DACH1: variants seen among roughly 807,000 people sequenced by gnomAD.
DACH1 encodes dachshund family transcription factor 1.
Under a neutral mutation model 54.2 loss-of-function variants are expected in DACH1, and 12 were observed. The ratio of observed to expected loss-of-function variants is 0.22; its 90% CI spans 0.14 to 0.36. DACH1 has a LOEUF of 0.36. DACH1 is among the 10% of genes least tolerant of loss of function. DACH1 has a pLI of 1.00. For synonymous variants in DACH1, 386 were observed against 366.2 expected, an observed-to-expected ratio of 1.05 and a Z score of -0.62; for missense variants, 805 against 929.8, an observed-to-expected ratio of 0.87 and a Z score of 1.75.
intron 10 of DACH1, among the ~76,000 whole-genome samples, chr13:71,473,314 ATGTTTTGTTT>A: frequency 6.6e-6 from 1 of 152,184 alleles, no homozygotes; most frequent in Non-Finnish European, 1.5e-5. Flanking sequence ...TGTTGTACAA[ATGTTTTGTTT>A]CCCTAACCAT....
At chr13:71,697,552 A>G (rs934540166) in intron 1 of DACH1, among the ~76,000 whole-genome samples, 1 of 152,252 alleles carries the variant, frequency 6.6e-6, no homozygotes. Flanking sequence ...ATAGAGCTTG[A>G]AATTATCAAC....
intron 1 of DACH1, among the ~76,000 whole-genome samples, chr13:71,851,502 T>C (rs1289707351): frequency 2.6e-5 from 4 of 152,156 alleles, no homozygotes; most frequent in African/African-American, 9.7e-5. Flanking sequence ...GCTAATTGTA[T>C]TTATTAGCAG....
intron 3 of DACH1, among the ~76,000 whole-genome samples, chr13:71,627,432 A>T (rs2138560287): frequency 6.6e-6 from 1 of 151,900 alleles, no homozygotes; most frequent in East Asian, 1.9e-4. Flanking sequence ...CAGAAATGTC[A>T]CCGGATTTGG....
chr13:71,637,341 T>C (rs896861465), intron 2 of DACH1, among the ~76,000 whole-genome samples: 2 of 152,166 alleles, frequency 1.3e-5, no homozygotes, highest in Admixed American at 6.5e-5. Context: ...TCACTGAAAC[T>C]GTGAAGTAAC....
At chr13:71,567,118 T>C (rs970041355) in intron 4 of DACH1, among the ~76,000 whole-genome samples, 1 of 152,014 alleles carries the variant, frequency 6.6e-6, no homozygotes, top group African/African-American at 2.4e-5. Context: ...TAAATGAGAA[T>C]GTCACAAAGT....
intron 10 of DACH1, among the ~76,000 whole-genome samples, chr13:71,450,789 G>T (rs1194236929): frequency 6.6e-6 from 1 of 152,056 alleles, no homozygotes; most frequent in Non-Finnish European, 1.5e-5. Context: ...AAAGTTTGAG[G>T]GTTCTGAATA....
intron 1 of DACH1, among the ~76,000 whole-genome samples, chr13:71,788,008 G>C (rs1886679027): frequency 2.6e-5 from 4 of 152,096 alleles, no homozygotes; most frequent in Admixed American, 2.6e-4. Flanking sequence ...AGAATTTAGT[G>C]ACAGTTTAAC....
At chr13:71,541,970 G>A (rs559757531) in intron 6 of DACH1, among the ~76,000 whole-genome samples, 114 of 141,014 alleles carry the variant, frequency 8.1e-4, no homozygotes, top group Non-Finnish European at 1.4e-3. Flanking sequence ...ATTTCAGGCC[G>A]GGTACGATGG....
At chr13:71,515,436 A>T (rs561913208) in intron 6 of DACH1, among the ~76,000 whole-genome samples, 43 of 152,038 alleles carry the variant, frequency 2.8e-4, no homozygotes, top group South Asian at 1.7e-3. Flanking sequence ...AATTAATGGG[A>T]TGTCTTAACT....
At chr13:71,593,098 T>C (rs1873851103) in intron 3 of DACH1, among the ~76,000 whole-genome samples, 1 of 152,146 alleles carries the variant, frequency 6.6e-6, no homozygotes, top group Non-Finnish European at 1.5e-5. Flanking sequence ...GAATGCTAGA[T>C]TGACTAAAGC....
chr13:71,625,622 C>CA (rs1448693988), intron 3 of DACH1, among the ~76,000 whole-genome samples: 3 of 151,878 alleles, frequency 2.0e-5, no homozygotes, highest in African/African-American at 7.2e-5. Flanking sequence ...GCTTTATTCT[C>CA]AAACTCAAGT....
At chr13:71,788,250 T>C (rs1264025616) in intron 1 of DACH1, among the ~76,000 whole-genome samples, 1 of 152,142 alleles carries the variant, frequency 6.6e-6, no homozygotes, top group Non-Finnish European at 1.5e-5. Context: ...ATTTTAACTT[T>C]CCTGGGGATC....
At chr13:71,642,799 T>A (rs1594034054) in intron 2 of DACH1, among the ~76,000 whole-genome samples, 1 of 152,014 alleles carries the variant, frequency 6.6e-6, no homozygotes, top group South Asian at 2.1e-4. Context: ...GGCGAGCAGA[T>A]CACTTGAGGT....
intron 3 of DACH1, among the ~76,000 whole-genome samples, chr13:71,624,831 A>G (rs968403742): frequency 6.6e-6 from 1 of 151,936 alleles, no homozygotes; most frequent in Admixed American, 6.6e-5. Context: ...AGTAATTGGT[A>G]AAAAATGAAG....
At chr13:71,847,930 T>G (rs1278186034) in intron 1 of DACH1, among the ~76,000 whole-genome samples, 1 of 152,220 alleles carries the variant, frequency 6.6e-6, no homozygotes, top group East Asian at 1.9e-4. Context: ...AGCTCAAATT[T>G]ATTTTCAAAA....
intron 1 of DACH1, among the ~76,000 whole-genome samples, chr13:71,796,580 T>C (rs958072607): frequency 1.3e-5 from 2 of 152,116 alleles, no homozygotes; most frequent in African/African-American, 4.8e-5. Flanking sequence ...CCAAGGCATG[T>C]TTATGATAAA....
intron 1 of DACH1, among the ~76,000 whole-genome samples, chr13:71,756,095 A>G (rs1437439797): frequency 1.3e-5 from 2 of 152,018 alleles, no homozygotes; most frequent in African/African-American, 4.8e-5. Flanking sequence ...CGGTAGCCCG[A>G]TCTCGGCTCA....
Position 71,437,979 on chromosome 13 carries a change from G to A in DACH1, c.*2676C>T, listed in dbSNP as rs1873663373. 2 of 152,268 alleles carry A rather than the reference G, an allele frequency of 1.3e-5. No individual in the cohort carries two copies. Among genetic ancestry groups the A allele is most frequent in the Non-Finnish European group, 1.5e-5 (1 of 67,856 alleles). 9.4% of individuals were successfully genotyped at this position (152,268 alleles called of 1,614,324 possible). On this transcript the variant is annotated 3_prime_UTR_variant, in exon 11 of 11. Transcript: ENST00000613252. The stretch of plus-strand genomic sequence containing the variant: ...TAAAGTCACAGGGAGATTTCAGACA[G>A]TTTTATTAGGAGATTGTTGAAAAGG...
chr13:71,517,347 T>C (rs1044402695), intron 6 of DACH1, among the ~76,000 whole-genome samples: 4 of 151,918 alleles, frequency 2.6e-5, no homozygotes, highest in African/African-American at 9.7e-5. Flanking sequence ...TTAACTCAAC[T>C]GCCACTTTTT....
Sources: allele counts gnomAD v4.1 joint callset (sites outside exome capture counted in the v4.1 genomes callset), GRCh38; gene constraint gnomAD v4.1.1; transcripts MANE v1.5; gene names NCBI Gene and HGNC (gene_info 2026-07-23, HGNC 2026-07-21).